BMP6: variants seen among roughly 807,000 people sequenced by gnomAD.
BMP6 encodes VG-1-R.
Under a neutral mutation model 54.1 loss-of-function variants are expected in BMP6, and 17 were observed. That is an observed-to-expected ratio of 0.31 (90% CI 0.22 to 0.47). The LOEUF is 0.47. BMP6 is among the 20% of genes least tolerant of loss of function. The pLI is 1.00. For synonymous variants in BMP6, 328 were observed against 291.2 expected (o/e 1.13, Z -1.28); for missense variants, 720 against 690.4 (o/e 1.04, Z -0.48).
chr6:7,839,323 C>T (rs1347081782), intron 1 of BMP6, among the ~76,000 whole-genome samples: 1 of 152,228 alleles, frequency 6.6e-6, no homozygotes, highest in Non-Finnish European at 1.5e-5. Flanking sequence ...GCCACTGCAC[C>T]TGGCTGCTTT....
chr6:7,866,786 A>G (rs1490088686), intron 4 of BMP6, among the ~76,000 whole-genome samples: 1 of 152,258 alleles, frequency 6.6e-6, no homozygotes, highest in Admixed American at 6.5e-5. Context: ...TCTGCCAACC[A>G]TCTATGACCC....
At chr6:7,833,914 A>C (rs1397753154) in intron 1 of BMP6, among the ~76,000 whole-genome samples, 1 of 152,238 alleles carries the variant, frequency 6.6e-6, no homozygotes, top group Non-Finnish European at 1.5e-5. Context: ...GACAAGATCC[A>C]GGATAAACAA....
intron 1 of BMP6, among the ~76,000 whole-genome samples, chr6:7,843,560 A>G (rs1348547365): frequency 6.6e-6 from 1 of 151,590 alleles, no homozygotes; most frequent in African/African-American, 2.4e-5. Flanking sequence ...TATTTTTTCT[A>G]CCCACAAACC....
chr6:7,799,748 A>G (rs1033010424), intron 1 of BMP6, among the ~76,000 whole-genome samples: 1 of 151,924 alleles, frequency 6.6e-6, no homozygotes, highest in Non-Finnish European at 1.5e-5. Context: ...TATAAAAAAA[A>G]AAAAAAAGAT....
chr6:7,801,422 C>A (rs1758268940), intron 1 of BMP6, among the ~76,000 whole-genome samples: 1 of 152,184 alleles, frequency 6.6e-6, no homozygotes, highest in Non-Finnish European at 1.5e-5. Context: ...CTGAATAAAT[C>A]CTTAAGAGCA....
intron 4 of BMP6, among the ~76,000 whole-genome samples, chr6:7,870,611 G>C (rs1161253354): frequency 1.3e-5 from 2 of 151,914 alleles, no homozygotes; most frequent in African/African-American, 4.8e-5. Flanking sequence ...TGTCTGTCTT[G>C]GATCTTTTTT....
chr6:7,815,853 C>G (rs1184269263), intron 1 of BMP6, among the ~76,000 whole-genome samples: 2 of 152,106 alleles, frequency 1.3e-5, no homozygotes, highest in South Asian at 2.1e-4. Flanking sequence ...TGCTGGACTT[C>G]CTAATACAAC....
At chr6:7,861,112 A>T (rs1759326567) in intron 2 of BMP6, among the ~76,000 whole-genome samples, 1 of 152,082 alleles carries the variant, frequency 6.6e-6, no homozygotes, top group Non-Finnish European at 1.5e-5. Context: ...AAAGTTTTTT[A>T]AAAAATCATT....
chr6:7,781,802 T>C (rs1757952589), intron 1 of BMP6, among the ~76,000 whole-genome samples: 1 of 151,446 alleles, frequency 6.6e-6, no homozygotes, highest in African/African-American at 2.4e-5. Flanking sequence ...TGGCGCTTGG[T>C]CAGAGGCCCC....
intron 1 of BMP6, among the ~76,000 whole-genome samples, chr6:7,766,744 T>C (rs1303772066): frequency 2.0e-5 from 3 of 152,188 alleles, no homozygotes; most frequent in African/African-American, 7.2e-5. Context: ...ATAAAATCAG[T>C]TATATATTTT....
rs904760067 is a variant in BMP6, at chr6:7,726,543, C to G, written c.-413C>G. On this transcript the variant is annotated 5_prime_UTR_variant, in exon 1 of 7. Coordinates refer to ENST00000283147, the MANE Select transcript of BMP6 (RefSeq NM_001718.6). ...GCCCCGCTCCCCGCTGCCCCGGGTC[C>G]CACTCAGTCGCCAGGGAGAGCGCGG... Among the ~76,000 whole-genome samples, 1 of 152,164 alleles carries G rather than the reference C, an allele frequency of 6.6e-6. No homozygotes were observed. The highest frequency in any genetic ancestry group is 2.4e-5 in the African/African-American group (1 of 41,458).
At chr6:7,780,918 C>A (rs1189135444) in intron 1 of BMP6, among the ~76,000 whole-genome samples, 1 of 152,000 alleles carries the variant, frequency 6.6e-6, no homozygotes, top group East Asian at 1.9e-4. Flanking sequence ...AACATGTTGC[C>A]CAGGCTGGTC....
intron 1 of BMP6, among the ~76,000 whole-genome samples, chr6:7,743,176 AT>A (rs917268778): frequency 6.6e-6 from 1 of 152,218 alleles, no homozygotes; most frequent in Non-Finnish European, 1.5e-5. Context: ...TCCAAAATAT[AT>A]GTAGATATAG....
chr6:7,783,154 C>A (rs146467436), intron 1 of BMP6, among the ~76,000 whole-genome samples: 1 of 152,052 alleles, frequency 6.6e-6, no homozygotes, highest in Non-Finnish European at 1.5e-5. Flanking sequence ...AGCAAAGAAG[C>A]GTTTGTGGCA....
intron 2 of BMP6, among the ~76,000 whole-genome samples, 164 bp downstream of exon 2, chr6:7,845,496 G>A (rs182064289): frequency 2.0e-5 from 3 of 152,288 alleles, no homozygotes; most frequent in African/African-American, 7.2e-5. Flanking sequence ...TAGCTGGTGA[G>A]ATCTTTTGCT....
At chr6:7,761,755 T>C (rs1757616858) in intron 1 of BMP6, among the ~76,000 whole-genome samples, 1 of 152,228 alleles carries the variant, frequency 6.6e-6, no homozygotes, top group African/African-American at 2.4e-5. Flanking sequence ...ACTTAGAGAC[T>C]CCCTTTCCTC....
chr6:7,845,063 G>A (rs911884415), intron 1 of BMP6, 77 bp from the exon 2 acceptor site: 29 of 1,336,604 alleles, frequency 2.2e-5, no homozygotes, highest in African/African-American at 1.6e-4. Flanking sequence ...GAAGTCAAAC[G>A]GGGAAACTGG....
rs148037399 is a variant in BMP6, at chr6:7,830,673, G to A, written c.665-14467G>A. On this transcript the variant is annotated intron_variant, in intron 1 of 6. Coordinates refer to ENST00000283147, the MANE Select transcript of BMP6 (RefSeq NM_001718.6). ...CTCACAGTTCCACATGACTGGGGAG[G>A]TCTCACAATCATGATGGAAGACAGA... Among the ~76,000 whole-genome samples the A allele has an allele frequency of 8.0e-3, 1,224 of 152,316 alleles. 13 individuals carry two copies. Among genetic ancestry groups the A allele is most frequent in the African/African-American group, 0.028 (1,159 of 41,564 alleles).
At chr6:7,852,303 C>T (rs980528870) in intron 2 of BMP6, among the ~76,000 whole-genome samples, 9 of 152,176 alleles carry the variant, frequency 5.9e-5, no homozygotes, top group Admixed American at 2.0e-4. Flanking sequence ...CTGGGCACAG[C>T]GGCTCACATC....
Sources: allele counts gnomAD v4.1 joint callset (sites outside exome capture counted in the v4.1 genomes callset), GRCh38; gene constraint gnomAD v4.1.1; transcripts MANE v1.5; gene names NCBI Gene and HGNC (gene_info 2026-07-23, HGNC 2026-07-21).